The following DCTN1 variants were observed in gnomAD, a reference collection of about 807,000 sequenced individuals.
DCTN1 encodes 150 kDa dynein-associated polypeptide.
In DCTN1, 61 loss-of-function variants were observed where a neutral mutation model predicts 161.2. That is an observed-to-expected ratio of 0.38 (90% CI 0.31 to 0.47). DCTN1 has a LOEUF of 0.47. Ranked by LOEUF, DCTN1 falls within the 20% of genes least tolerant of loss-of-function variation. The pLI is 0.99. For missense variants in DCTN1, 1,404 were observed against 1,623.7 expected, an observed-to-expected ratio of 0.86 and a Z score of 2.33; for synonymous variants, 653 against 632.4, an observed-to-expected ratio of 1.03 and a Z score of -0.49.
At chr2:74,362,931 C>T in intron 29 of DCTN1, 63 bp downstream of exon 29, 2 of 1,577,468 alleles carry the variant, frequency 1.3e-6, no homozygotes, top group South Asian at 2.3e-5. Context: ...TGAGCAGGGG[C>T]TAAATCCCTG....
chr2:74,386,295 G>A (rs775386580), intron 1 of DCTN1, among the ~76,000 whole-genome samples: 3 of 152,142 alleles, frequency 2.0e-5, no homozygotes, highest in South Asian at 4.1e-4. Context: ...TTCTGCAGAC[G>A]TAAGAGATTC....
rs1225892897 is a variant in DCTN1, at chr2:74,374,166, G to C, written c.432+157C>G. On this transcript the variant is annotated intron_variant, in intron 6 of 31. Transcript: ENST00000628224. ...GCAAATGCCCAGGGTGTGGGGCATA[G>C]TGGTGACACACACCTCTCCCTAACC... 5.4e-6 allele frequency: 4 copies of C among 745,080 alleles called. No individual in the cohort carries two copies. In the Admixed American group the frequency reaches 6.1e-5, roughly 11 times the overall value. 46.2% of individuals were successfully genotyped at this position (745,080 alleles called of 1,614,324 possible).
At chr2:74,389,543 T>C (rs1277432516) in intron 1 of DCTN1, among the ~76,000 whole-genome samples, 1 of 152,148 alleles carries the variant, frequency 6.6e-6, no homozygotes, top group African/African-American at 2.4e-5. Context: ...CCCAACTACT[T>C]TGACTCCTCC....
At chr2:74,366,982 C>T (rs771593972) in intron 20 of DCTN1, 50 bp from the exon 21 acceptor site, 7 of 1,614,128 alleles carry the variant, frequency 4.3e-6, no homozygotes, top group South Asian at 2.2e-5. Context: ...CATTAAGGCT[C>T]GGAGTAAGGA....
In DCTN1 at chr2:74,363,088, A is replaced by G; in HGVS notation, c.3435T>C (p.Ala1145=). The G allele has an allele frequency of 6.2e-7, 1 of 1,613,936 alleles. No homozygotes were observed. The highest frequency in any genetic ancestry group is 2.2e-5 in the East Asian group (1 of 44,888). The part of the protein sequence containing the change: ...SHEGPGSELP[A]GALYRKTSQL... ...GGCTGGTCTTACGATACAGCGCTCC[A>G]GCTGGTAACTCACTGCCAGGGCCCT... The change falls in exon 29 of 32, where the codon GCT becomes GCC. Residue 1145 remains alanine, a synonymous_variant. Coordinates refer to ENST00000628224, the MANE Select transcript of DCTN1 (RefSeq NM_004082.5).
At chr2:74,375,441 C>A (rs1011404475) in intron 5 of DCTN1, among the ~76,000 whole-genome samples, 2 of 152,246 alleles carry the variant, frequency 1.3e-5, no homozygotes, top group Admixed American at 6.5e-5. Context: ...GGGCACTCAA[C>A]TGTCTGATTG....
intron 1 of DCTN1, among the ~76,000 whole-genome samples, chr2:74,390,952 A>G (rs994093852): frequency 1.3e-5 from 2 of 152,122 alleles, no homozygotes; most frequent in African/African-American, 4.8e-5. Flanking sequence ...TACATACCAT[A>G]CCCCCAGTTG....
Position 74,362,716 on chromosome 2 carries a change from C to G in DCTN1, c.3543G>C (p.Pro1181=), listed in dbSNP as rs745853966. Residue 1181 remains proline (P), a synonymous_variant, in exon 30 of 32, where the codon CCG becomes CCC. Transcript: ENST00000628224. ...ITRTSPAAKS[P]SAQLMEQVAQ... ...CCACTTGCTCCATAAGTTGGGCCGA[C>G]GGGCTCTTGGCAGCTGTGGGGAGAG... The G allele has an allele frequency of 6.2e-7, 1 of 1,613,978 alleles. No homozygotes were observed. The highest frequency in any genetic ancestry group is 2.2e-5 in the East Asian group (1 of 44,876).
In DCTN1 at chr2:74,363,279, C is replaced by T; in HGVS notation, c.3345+15G>A. Reference sequence around the variant, plus strand: ...GCTCCATCTCCCATCCCAGTCCTCCCCGTGGCTCCCTCACCTTGAGGATGC... The same window carrying T: ...GCTCCATCTCCCATCCCAGTCCTCCTCGTGGCTCCCTCACCTTGAGGATGC... On this transcript the variant is annotated intron_variant, in intron 28 of 31. Transcript: ENST00000628224. The T allele has an allele frequency of 2.5e-6, 4 of 1,614,118 alleles. No individual in the cohort carries two copies. The highest frequency in any genetic ancestry group is 3.4e-6 in the Non-Finnish European group (4 of 1,180,004).
chr2:74,362,807 G>A (rs1674112653), intron 29 of DCTN1, 78 bp from the exon 30 acceptor site: 3 of 1,422,700 alleles, frequency 2.1e-6, no homozygotes, highest in African/African-American at 1.4e-5. Context: ...AGGGGTGCAG[G>A]TATAAGACTC....
At chr2:74,379,022 GCT>G (rs1675384623) in intron 1 of DCTN1, 1 of 153,142 alleles carries the variant, frequency 6.5e-6, no homozygotes, top group African/African-American at 2.4e-5. Flanking sequence ...TCTACCCCTC[GCT>G]CTGTCCCCAA....
Position 74,363,443 on chromosome 2 carries a change from A to G in DCTN1, c.3212-16T>C. 7 of 1,611,604 alleles carry G rather than the reference A, an allele frequency of 4.3e-6. No homozygotes were observed. Among genetic ancestry groups the G allele is most frequent in the Non-Finnish European group, 5.9e-6 (7 of 1,179,614 alleles). ...GGGATGGCTCCTGTGGGGACCATAA[A>G]AAATCTCATCAGCCCCAAGTGGAAA... is the stretch of plus-strand genomic sequence containing the variant. On this transcript the variant is annotated splice_polypyrimidine_tract_variant and intron_variant, in intron 27 of 31. Transcript: ENST00000628224.
At chr2:74,376,593 G>C in intron 5 of DCTN1, 149 bp downstream of exon 5, 1 of 748,464 alleles carries the variant, frequency 1.3e-6, no homozygotes, top group South Asian at 1.5e-5. Flanking sequence ...CCCTTCAAAG[G>C]AACTCTGAAA....
rs1407199401 is a variant in DCTN1 at position 74,365,150 on chromosome 2, A to G, written c.3121T>C (p.Ser1041Pro). 1.9e-6 allele frequency: 3 copies of G among 1,613,976 alleles called. No individual in the cohort carries two copies. Among genetic ancestry groups the G allele is most frequent in the African/African-American group, 2.7e-5 (2 of 74,872 alleles). ...CGGAGTCCCTCAATCGTGCGTTTGG[A>G]CTGGCTGTTCAGACGCTGCTTTAGT... Reference protein sequence around the residue: ...AELKQRLNSQSKRTIEGLRGP... With the variant: ...AELKQRLNSQPKRTIEGLRGP... The change falls in exon 26 of 32, where the codon TCC becomes CCC. Residue 1041 changes from serine to proline, a missense_variant. This residue lies in a region of DCTN1 where 311 missense variants were observed against 298.9 expected (regional missense o/e 1.04). Transcript: ENST00000628224.
chr2:74,366,130 T>A lies in DCTN1; in HGVS notation c.2761-112A>T, dbSNP rs1573150691. 4 of 1,610,492 alleles carry A rather than the reference T, an allele frequency of 2.5e-6. No homozygotes were observed. The African/African-American group carries it at 5.3e-5, about 22-fold the overall frequency. On this transcript the variant is annotated intron_variant, in intron 23 of 31. Transcript: ENST00000628224. ...GGAAAACCCTGCCTTCTAGGCAGGA[T>A]GGTGCTCTCCAGATGCCTTCCTCCT...
intron 1 of DCTN1, chr2:74,391,045 T>C (rs1177703646): frequency 6.6e-6 from 1 of 152,638 alleles, no homozygotes; most frequent in Non-Finnish European, 1.5e-5. Context: ...TTCCAACAGC[T>C]TTCGAAAACA....
In DCTN1 at chr2:74,363,351, CT is replaced by C. The variant is rs764396618; in HGVS notation, c.3287del (p.Gln1096ArgfsTer5). The part of the protein sequence containing the change: ...LVKDSPLLLQ[Q>X]ISAMRLHISQ... ...AGATGTGCAGCCTCATGGCAGAGAT[CT>C]GCTGAAGCAGCAGTGGTGAGTCCTT... On this transcript the variant is annotated frameshift_variant, in exon 28 of 32. Coordinates refer to ENST00000628224, the MANE Select transcript of DCTN1 (RefSeq NM_004082.5). LOFTEE classifies it high-confidence loss of function. The C allele has an allele frequency of 6.2e-7, 1 of 1,612,978 alleles. No homozygotes were observed. The highest frequency in any genetic ancestry group is 8.5e-7 in the Non-Finnish European group (1 of 1,179,570).
At chr2:74,365,380 A>G (rs1489458027) in intron 25 of DCTN1, 135 bp downstream of exon 25, 1 of 1,552,096 alleles carries the variant, frequency 6.4e-7, no homozygotes, top group Non-Finnish European at 8.8e-7. Flanking sequence ...GGGGTGATGC[A>G]ATGGGGTTGG....
intron 1 of DCTN1, chr2:74,390,658 A>T (rs1267724250): frequency 2.2e-6 from 1 of 464,942 alleles, no homozygotes; most frequent in South Asian, 1.6e-5. Flanking sequence ...TCTAACTTTC[A>T]ATCCAGTGAT....
Sources: allele counts gnomAD v4.1 joint callset (sites outside exome capture counted in the v4.1 genomes callset), GRCh38; gene constraint gnomAD v4.1.1; regional missense constraint gnomAD v4.1.1; transcripts MANE v1.5; gene names NCBI Gene and HGNC (gene_info 2026-07-23, HGNC 2026-07-21).